Variants in STYXL1 observed in about 807,000 individuals in gnomAD.
STYXL1 encodes serine/threonine/tyrosine-interacting-like protein 1.
STYXL1 carries 32 observed loss-of-function variants against 36.4 expected under a neutral mutation model. The observed-to-expected ratio is 0.88, with a 90% confidence interval of 0.66 to 1.18. The LOEUF (loss-of-function observed/expected upper bound fraction) is 1.18. Among genes scored for constraint, STYXL1 ranks in the 50% most tolerant of loss-of-function variants. The pLI is 0.00. For synonymous variants in STYXL1, 133 were observed against 144.1 expected (o/e 0.92, Z 0.55); for missense variants, 354 against 394.1 (o/e 0.90, Z 0.86).
At chr7:76,043,677 G>A (rs1429920063) in intron 1 of STYXL1, among the ~76,000 whole-genome samples, 2 of 152,152 alleles carry the variant, frequency 1.3e-5, no homozygotes, top group Admixed American at 6.6e-5. Flanking sequence ...AGATGTCGAA[G>A]GGGCTTTTCT....
intron 1 of STYXL1, among the ~76,000 whole-genome samples, chr7:76,043,408 TG>T: frequency 6.6e-6 from 1 of 151,990 alleles, no homozygotes; most frequent in East Asian, 1.9e-4. Flanking sequence ...CCCGAAGTGC[TG>T]GGATTACAGG....
intron 1 of STYXL1, among the ~76,000 whole-genome samples, chr7:76,032,407 A>AAAG (rs1313628600): frequency 6.7e-6 from 1 of 150,334 alleles, no homozygotes; most frequent in East Asian, 1.9e-4. Context: ...TTGAAAAAAA[A>AAAG]AAAAAAAGAA....
chr7:76,006,520 T>C (rs1356621559), intron 5 of STYXL1, among the ~76,000 whole-genome samples: 1 of 151,986 alleles, frequency 6.6e-6, no homozygotes, highest in African/African-American at 2.4e-5. Flanking sequence ...TCCCAGCACT[T>C]TGGGAGGCTG....
intron 4 of STYXL1, among the ~76,000 whole-genome samples, chr7:76,017,511 A>T (rs1409389566): frequency 1.3e-5 from 2 of 152,058 alleles, no homozygotes; most frequent in African/African-American, 4.8e-5. Flanking sequence ...TAAACATCAG[A>T]AGCATATAGA....
In STYXL1 at chr7:76,038,990, T is replaced by C. The variant is rs1224901552; in HGVS notation, c.-4-8463A>G. Among the ~76,000 whole-genome samples, 9 of 142,436 alleles carry C rather than the reference T, an allele frequency of 6.3e-5. 1 individual carries two copies. The highest frequency in any genetic ancestry group is 2.6e-4 in the African/African-American group (9 of 35,128). The allele number at this position is 142,436 out of a possible 152,430, so 93.4% of individuals were successfully genotyped here. On this transcript the variant is annotated intron_variant, in intron 1 of 8. Coordinates refer to ENST00000359697, the MANE Select transcript of STYXL1 (RefSeq NM_001317785.2). ...TGAGACGGAATCTTGCCCTGTTGCC[T>C]AGGCTGTACTGCAGTGGTGCAATCT... is the stretch of plus-strand genomic sequence containing the variant.
intron 4 of STYXL1, among the ~76,000 whole-genome samples, chr7:76,017,145 C>G (rs1793471056): frequency 6.6e-6 from 1 of 152,108 alleles, no homozygotes; most frequent in African/African-American, 2.4e-5. Flanking sequence ...GCCTCAGCCT[C>G]TCGAGTAGCT....
intron 7 of STYXL1, among the ~76,000 whole-genome samples, chr7:76,003,072 ATCTTAC>A (rs1447447769): frequency 8.5e-5 from 13 of 152,156 alleles, no homozygotes; most frequent in Admixed American, 4.6e-4. Flanking sequence ...CTCTCTACAG[ATCTTAC>A]TCTCCTCTGG....
chr7:76,047,379 G>A (rs1188302287), intron 1 of STYXL1, among the ~76,000 whole-genome samples: 1 of 152,198 alleles, frequency 6.6e-6, no homozygotes. Flanking sequence ...GTCTTTATTC[G>A]TAAAGCAGAA....
At chr7:76,014,692 G>A (rs902195927) in intron 4 of STYXL1, among the ~76,000 whole-genome samples, 36 of 151,534 alleles carry the variant, frequency 2.4e-4, no homozygotes, top group African/African-American at 8.5e-4. Context: ...ATTGTATGAT[G>A]TCATACAATA....
At chr7:76,046,473 A>C (rs1797097747) in intron 1 of STYXL1, among the ~76,000 whole-genome samples, 1 of 151,896 alleles carries the variant, frequency 6.6e-6, no homozygotes, top group Non-Finnish European at 1.5e-5. Flanking sequence ...CAGCCTCCTG[A>C]GTAGCTGGGA....
chr7:76,004,772 C>T (rs1391753393), intron 6 of STYXL1, among the ~76,000 whole-genome samples: 1 of 151,822 alleles, frequency 6.6e-6, no homozygotes, highest in Non-Finnish European at 1.5e-5. Context: ...GAGGCCAAGG[C>T]GGGATGATCA....
At chr7:76,035,961 C>T (rs1389842116) in intron 1 of STYXL1, among the ~76,000 whole-genome samples, 1 of 149,866 alleles carries the variant, frequency 6.7e-6, no homozygotes, top group Non-Finnish European at 1.5e-5. Context: ...TGAGATCGGT[C>T]CCTGAACCTA....
intron 4 of STYXL1, among the ~76,000 whole-genome samples, chr7:76,017,030 A>T (rs1044314925): frequency 1.1e-4 from 16 of 151,416 alleles, no homozygotes; most frequent in African/African-American, 3.4e-4. Flanking sequence ...TATTTATTTA[A>T]TTTTTTTTTA....
At chr7:76,019,759 A>G (rs1554575405) in intron 4 of STYXL1, among the ~76,000 whole-genome samples, 1 of 152,068 alleles carries the variant, frequency 6.6e-6, no homozygotes, top group East Asian at 1.9e-4. Flanking sequence ...TGCAGCTCTC[A>G]AGACAGGAGC....
intron 4 of STYXL1, among the ~76,000 whole-genome samples, chr7:76,017,006 T>C (rs1793451872): frequency 6.6e-6 from 1 of 152,076 alleles, no homozygotes. Context: ...AACAACGGAT[T>C]GTATTTATTT....
chr7:76,028,750 G>T, intron 2 of STYXL1, 47 bp from the exon 3 acceptor site: 1 of 1,542,542 alleles, frequency 6.5e-7, no homozygotes, highest in South Asian at 1.1e-5. Flanking sequence ...AGGAACATAC[G>T]ACCAAACTAC....
At chr7:76,005,830 GAGA>G (rs1554570002) in intron 5 of STYXL1, among the ~76,000 whole-genome samples, 1 of 142,050 alleles carries the variant, frequency 7.0e-6, no homozygotes, top group African/African-American at 2.8e-5. Flanking sequence ...GGAGGAGGAA[GAGA>G]GAGGAGGAGG....
chr7:76,004,532 T>C (rs953987499), intron 6 of STYXL1, among the ~76,000 whole-genome samples: 1 of 151,870 alleles, frequency 6.6e-6, no homozygotes, highest in Non-Finnish European at 1.5e-5. Flanking sequence ...TTTGAAACCC[T>C]GTCTCTACTA....
chr7:76,016,782 T>C (rs1793428500), intron 4 of STYXL1, among the ~76,000 whole-genome samples: 1 of 152,186 alleles, frequency 6.6e-6, no homozygotes, highest in Admixed American at 6.6e-5. Context: ...TACATACTGT[T>C]GGTGGGAATG....
Sources: gnomAD v4.1 joint callset for allele counts (sites outside exome capture counted in the v4.1 genomes callset) on GRCh38, gnomAD v4.1.1 for gene constraint, MANE v1.5 for transcripts, NCBI Gene and HGNC (gene_info 2026-07-23, HGNC 2026-07-21) for gene names.